Variants in ANO3 observed in about 807,000 individuals in gnomAD.
The protein encoded by ANO3 is anoctamin-3.
In ANO3, 99 loss-of-function variants were observed where a neutral mutation model predicts 144.8. That is an observed-to-expected ratio of 0.68 (90% CI 0.58 to 0.81). ANO3 has a LOEUF of 0.81. Ranked by LOEUF, ANO3 falls within the 30% of genes least tolerant of loss-of-function variation. The pLI is 0.00. For synonymous variants in ANO3, 414 were observed against 392.6 expected (o/e 1.05, Z -0.64); for missense variants, 905 against 1,202.2 (o/e 0.75, Z 3.66).
At chr11:26,336,296 A>G (rs2133893835) in intron 1 of ANO3, among the ~76,000 whole-genome samples, 1 of 152,346 alleles carries the variant, frequency 6.6e-6, no homozygotes, top group Admixed American at 6.5e-5. Context: ...ATAGAACCAT[A>G]GATCAAATCA....
At chr11:26,494,222 A>G (rs1860833308) in intron 4 of ANO3, among the ~76,000 whole-genome samples, 1 of 150,840 alleles carries the variant, frequency 6.6e-6, no homozygotes, top group Non-Finnish European at 1.5e-5. Flanking sequence ...ATATATTCAT[A>G]TATATGTGTG....
intron 14 of ANO3, among the ~76,000 whole-genome samples, chr11:26,567,570 G>A (rs368481039): frequency 6.6e-6 from 1 of 151,966 alleles, no homozygotes; most frequent in Non-Finnish European, 1.5e-5. Context: ...TATAATATAT[G>A]TTAGTTATCT....
At chr11:26,431,549 C>T (rs1016734281) in intron 1 of ANO3, among the ~76,000 whole-genome samples, 11 of 152,144 alleles carry the variant, frequency 7.2e-5, no homozygotes, top group African/African-American at 2.4e-4. Flanking sequence ...GTTTGTCTCC[C>T]TCCTGCCACC....
intron 1 of ANO3, among the ~76,000 whole-genome samples, chr11:26,337,102 C>A (rs1331079032): frequency 6.6e-6 from 1 of 152,128 alleles, no homozygotes; most frequent in Non-Finnish European, 1.5e-5. Context: ...TCTCCATTAA[C>A]AATCCCCCAG....
intron 1 of ANO3, chr11:26,287,598 A>T (rs1485167443): frequency 6.6e-6 from 1 of 152,192 alleles, no homozygotes; most frequent in African/African-American, 2.4e-5. Context: ...TTATAATGTC[A>T]CTCATTTACA....
intron 1 of ANO3, among the ~76,000 whole-genome samples, chr11:26,206,669 T>C (rs528385977): frequency 1.3e-5 from 2 of 152,154 alleles, no homozygotes; most frequent in Non-Finnish European, 2.9e-5. Flanking sequence ...CAAAATGGTA[T>C]AGCTCAAAGT....
exon 1 of ANO3, chr11:26,309,672 G>A (rs1310113402): frequency 5.1e-6 from 5 of 985,152 alleles, no homozygotes; most frequent in Admixed American, 1.2e-4. Context: ...TTTTCTCATC[G>A]TGAGCTTGAG....
intron 4 of ANO3, among the ~76,000 whole-genome samples, chr11:26,487,290 T>C (rs1388098475): frequency 6.6e-6 from 1 of 152,194 alleles, no homozygotes; most frequent in Non-Finnish European, 1.5e-5. Context: ...TTTCCGGTTT[T>C]GCTTCTTCCT....
chr11:26,256,987 C>CA (rs1273860888), intron 1 of ANO3, among the ~76,000 whole-genome samples: 1 of 151,676 alleles, frequency 6.6e-6, no homozygotes, highest in African/African-American at 2.4e-5. Context: ...CAACCCCCAG[C>CA]AAAAAAATTA....
chr11:26,553,219 G>GTTTTTTTTTTTTTTTTTTTTTT (rs201093158), intron 12 of ANO3, 30 bp from the exon 13 acceptor site: 8 of 1,198,802 alleles, frequency 6.7e-6, no homozygotes, highest in Non-Finnish European at 8.1e-6. Flanking sequence ...GCTATGTTTT[G>GTTTTTTTTTTTTTTTTTTTTTT]TTTTGTTTTT....
intron 4 of ANO3, among the ~76,000 whole-genome samples, chr11:26,479,576 C>T (rs1316981733): frequency 6.6e-6 from 1 of 152,112 alleles, no homozygotes; most frequent in African/African-American, 2.4e-5. Context: ...GAGACTTATT[C>T]ACTACCACGA....
chr11:26,646,371 A>G (rs1272339375), intron 23 of ANO3, among the ~76,000 whole-genome samples: 1 of 152,144 alleles, frequency 6.6e-6, no homozygotes. Context: ...TATGTAGTAC[A>G]TATCATATAT....
rs560935279 is a variant in ANO3, at chr11:26,376,824, G to A, written c.46+44503G>A. 1.1e-4 allele frequency among the ~76,000 whole-genome samples: 16 copies of A among 152,254 alleles called. No individual in the cohort carries two copies. In the South Asian group the frequency reaches 3.1e-3, roughly 30 times the overall value. ...AGATAATGATAGGGAAATTTTAACT[G>A]TGTTGTTGGGGAACTGGTATTATTT... On this transcript the variant is annotated intron_variant, in intron 1 of 26. Transcript: ENST00000256737.
chr11:26,487,812 G>T (rs1418354051), intron 4 of ANO3, among the ~76,000 whole-genome samples: 1 of 152,094 alleles, frequency 6.6e-6, no homozygotes, highest in East Asian at 1.9e-4. Flanking sequence ...TAGGGTATCT[G>T]GTGGAAGAAA....
intron 4 of ANO3, among the ~76,000 whole-genome samples, chr11:26,497,192 G>A (rs534351024): frequency 6.6e-6 from 1 of 151,170 alleles, no homozygotes; most frequent in African/African-American, 2.4e-5. Context: ...ATTGAAACAT[G>A]TATATACATG....
At chr11:26,486,075 A>C in intron 4 of ANO3, among the ~76,000 whole-genome samples, 1 of 152,130 alleles carries the variant, frequency 6.6e-6, no homozygotes. Context: ...ATTTAAAAAA[A>C]AATCACAGCC....
intron 1 of ANO3, among the ~76,000 whole-genome samples, chr11:26,389,035 T>C (rs1024986603): frequency 5.3e-5 from 8 of 152,170 alleles, no homozygotes; most frequent in African/African-American, 1.9e-4. Flanking sequence ...GTCTTTGATA[T>C]GCAAAATTCA....
At chr11:26,208,512 C>CAAAAAAAAAAAAAAAAAAA (rs67196052) in intron 1 of ANO3, among the ~76,000 whole-genome samples, 44 of 121,728 alleles carry the variant, frequency 3.6e-4, no homozygotes, top group African/African-American at 1.5e-3. Flanking sequence ...GACTCCGTCT[C>CAAAAAAAAAAAAAAAAAAA]AAAAAAAAAA....
At chr11:26,397,621 G>A (rs895534288) in intron 1 of ANO3, among the ~76,000 whole-genome samples, 1 of 152,020 alleles carries the variant, frequency 6.6e-6, no homozygotes, top group Non-Finnish European at 1.5e-5. Flanking sequence ...GATGTTTCAA[G>A]ACATATAATG....
Sources: gnomAD v4.1 joint callset for allele counts (sites outside exome capture counted in the v4.1 genomes callset) on GRCh38, gnomAD v4.1.1 for gene constraint, MANE v1.5 for transcripts, NCBI Gene and HGNC (gene_info 2026-07-23, HGNC 2026-07-21) for gene names.